FBXO25: variants seen among roughly 807,000 people sequenced by gnomAD.
The protein encoded by FBXO25 is F-box protein 25.
FBXO25 carries 45 observed loss-of-function variants against 51.9 expected under a neutral mutation model. The observed-to-expected ratio is 0.87, with a 90% CI of 0.68 to 1.11. FBXO25 has a LOEUF of 1.11. Among genes scored for constraint, FBXO25 ranks in the 50% most tolerant of loss-of-function variants. The pLI, the probability that FBXO25 is intolerant of heterozygous loss-of-function variation, is 0.00. For synonymous variants in FBXO25, 199 were observed against 151.0 expected (o/e 1.32, Z -2.33); for missense variants, 507 against 428.5 (o/e 1.18, Z -1.62).
chr8:411,557 A>T lies in FBXO25; in HGVS notation c.-7-1516A>T, dbSNP rs374875242. Among the ~76,000 whole-genome samples the T allele has an allele frequency of 4.6e-5, 7 of 152,148 alleles. No homozygotes were observed. The East Asian group carries it at 1.3e-3, about 29-fold the overall frequency. ...TAACTCTCTTCTGAACCATGGATGT[A>T]TATATTTATTCATTCAGTAAATAAA... On this transcript the variant is annotated intron_variant, in intron 1 of 9. Coordinates refer to ENST00000350302, the MANE Select transcript of FBXO25 (RefSeq NM_183420.2).
intron 5 of FBXO25, among the ~76,000 whole-genome samples, chr8:448,559 A>G (rs1283009122): frequency 6.6e-6 from 1 of 152,246 alleles, no homozygotes; most frequent in African/African-American, 2.4e-5. Flanking sequence ...AACTCAGGGA[A>G]TACTTACTGT....
chr8:473,966 C>A lies in FBXO25; in HGVS notation c.*5162C>A, dbSNP rs1220188102. The A allele has an allele frequency of 6.6e-6, 1 of 152,162 alleles. No homozygotes were observed. Among genetic ancestry groups the A allele is most frequent in the African/African-American group, 2.4e-5 (1 of 41,452 alleles). 9.4% of individuals were successfully genotyped at this position (152,162 alleles called of 1,614,324 possible). ...AATACACGTGAAATTTACCATCTTA[C>A]CTATTTTAAGTGTGCAATTTAGTGG... On this transcript the variant is annotated 3_prime_UTR_variant, in exon 10 of 10. Transcript: ENST00000350302.
chr8:472,866 A>G lies in FBXO25; in HGVS notation c.*4062A>G, dbSNP rs1411367184. The stretch of plus-strand genomic sequence containing the variant: ...TGCCCTCTGAGAAAAGTCAGAAGCA[A>G]GCCTGCCTTATGAAACTCGACTTTT... On this transcript the variant is annotated 3_prime_UTR_variant, in exon 10 of 10. Transcript: ENST00000350302. 5 of 152,270 alleles carry G rather than the reference A, an allele frequency of 3.3e-5. No homozygotes were observed. The highest frequency in any genetic ancestry group is 1.2e-4 in the African/African-American group (5 of 41,460). 9.4% of individuals were successfully genotyped at this position (152,270 alleles called of 1,614,324 possible). A position where few individuals can be genotyped will look rare whatever the true frequency, so the allele number is the denominator to read the frequency against.
chr8:451,848 T>G (rs145119032), intron 7 of FBXO25, among the ~76,000 whole-genome samples: 271 of 152,328 alleles, frequency 1.8e-3, no homozygotes, highest in African/African-American at 6.3e-3. Context: ...CTTGCTGTCT[T>G]TTTTGGGGAT....
In FBXO25 at chr8:474,110, C is replaced by G. The variant is rs1800572103; in HGVS notation, c.*5306C>G. On this transcript the variant is annotated 3_prime_UTR_variant, in exon 10 of 10. Coordinates refer to ENST00000350302, the MANE Select transcript of FBXO25 (RefSeq NM_183420.2). ...CTCTGTACCCATTAAGCACCAACTCCCTATTCCCCATCCACCAGCCCCTGG... is the reference window on the plus strand; with the variant it reads ...CTCTGTACCCATTAAGCACCAACTCGCTATTCCCCATCCACCAGCCCCTGG... 1 of 154,072 alleles carries G rather than the reference C, an allele frequency of 6.5e-6. No homozygotes were observed. Among genetic ancestry groups the G allele is most frequent in the Admixed American group, 6.5e-5 (1 of 15,404 alleles). 9.5% of individuals were successfully genotyped at this position (154,072 alleles called of 1,614,324 possible).
At chr8:455,410 C>T (rs577156052) in intron 7 of FBXO25, among the ~76,000 whole-genome samples, 27 of 151,960 alleles carry the variant, frequency 1.8e-4, no homozygotes, top group African/African-American at 3.1e-4. Flanking sequence ...GAAGTGGGTG[C>T]GAGGGAAGGA....
rs185946180 is a variant in FBXO25, at chr8:450,034, C to T, written c.426C>T (p.Gly142=). ...AATCCCAGTTAACTTCATTGAGTGG[C>T]GTGGCACAGAAGAATTACTTCAACA... The part of the protein sequence containing the change: ...IAKSQLTSLS[G]VAQKNYFNIL... The change falls in exon 6 of 10, where the codon GGC becomes GGT. Residue 142 remains glycine, a synonymous_variant. Transcript: ENST00000350302. 51 of 1,612,716 alleles carry T rather than the reference C, an allele frequency of 3.2e-5. No individual in the cohort carries two copies. The highest frequency in any genetic ancestry group is 1.1e-4 in the East Asian group (5 of 44,772).
chr8:452,190 CT>C (rs1799139953), intron 7 of FBXO25, among the ~76,000 whole-genome samples: 1 of 152,220 alleles, frequency 6.6e-6, no homozygotes, highest in Admixed American at 6.5e-5. Flanking sequence ...AATGCCTTAA[CT>C]TTTGGCTGTT....
At chr8:408,535 T>C (rs1796303297) in intron 1 of FBXO25, among the ~76,000 whole-genome samples, 2 of 152,248 alleles carry the variant, frequency 1.3e-5, no homozygotes, top group South Asian at 2.1e-4. Flanking sequence ...TAATGTTTTC[T>C]ACCTTGGAGG....
At chr8:468,189 C>T in intron 9 of FBXO25, 3 of 1,014,280 alleles carry the variant, frequency 3.0e-6, no homozygotes, top group Non-Finnish European at 3.5e-6. Context: ...GGTATGTGAG[C>T]ATGGCCAGCT....
At chr8:427,787 A>C (rs1327557068) in intron 2 of FBXO25, among the ~76,000 whole-genome samples, 2 of 150,586 alleles carry the variant, frequency 1.3e-5, no homozygotes, top group African/African-American at 4.9e-5. Context: ...CATATTTTAC[A>C]GCAATATAGT....
At chr8:453,117 A>G (rs1393571146) in intron 7 of FBXO25, among the ~76,000 whole-genome samples, 2 of 152,220 alleles carry the variant, frequency 1.3e-5, no homozygotes, top group Non-Finnish European at 2.9e-5. Context: ...GCACAGAAGG[A>G]TAGGTGTTAC....
chr8:460,041 G>A (rs1257385833), intron 8 of FBXO25, among the ~76,000 whole-genome samples: 1 of 152,052 alleles, frequency 6.6e-6, no homozygotes, highest in Non-Finnish European at 1.5e-5. Flanking sequence ...TGGGGGAGGG[G>A]GTGGATAGAA....
intron 5 of FBXO25, among the ~76,000 whole-genome samples, chr8:447,587 T>G (rs1798821331): frequency 6.6e-6 from 1 of 152,188 alleles, no homozygotes; most frequent in South Asian, 2.1e-4. Flanking sequence ...CCCAAATGCT[T>G]AGAACTGGAA....
At chr8:430,985 T>C (rs998148453) in intron 2 of FBXO25, among the ~76,000 whole-genome samples, 4 of 152,180 alleles carry the variant, frequency 2.6e-5, no homozygotes, top group African/African-American at 9.7e-5. Context: ...CAGCAAGTCA[T>C]TGGTCAGTAT....
At chr8:467,571 A>T in intron 9 of FBXO25, 1 of 786,328 alleles carries the variant, frequency 1.3e-6, no homozygotes, top group South Asian at 1.7e-5. Flanking sequence ...GTCCAAATTT[A>T]GTTACCTGAT....
In FBXO25 at chr8:462,947, C is replaced by T. The variant is rs1799911872; in HGVS notation, c.844-60C>T. ...AAAATAAAATGAAAAAGTTTTACACCTAATATTATGTTTTGAAAGTCATCT... is the reference window on the plus strand; with the variant it reads ...AAAATAAAATGAAAAAGTTTTACACTTAATATTATGTTTTGAAAGTCATCT... On this transcript the variant is annotated intron_variant, in intron 8 of 9. Coordinates refer to ENST00000350302, the MANE Select transcript of FBXO25 (RefSeq NM_183420.2). 22 of 1,538,320 alleles carry T rather than the reference C, an allele frequency of 1.4e-5. 2 individuals are homozygous for T. In the South Asian group the frequency reaches 2.6e-4, roughly 18 times the overall value.
chr8:458,069 G>GT (rs1799570321), intron 7 of FBXO25, among the ~76,000 whole-genome samples: 1 of 152,226 alleles, frequency 6.6e-6, no homozygotes, highest in Non-Finnish European at 1.5e-5. Context: ...TCTTGATGCA[G>GT]TAGAGGAGTA....
intron 3 of FBXO25, among the ~76,000 whole-genome samples, chr8:431,711 T>C (rs538274284): frequency 6.6e-6 from 1 of 152,284 alleles, no homozygotes; most frequent in South Asian, 2.1e-4. Context: ...TGAATTCAGC[T>C]CAGTCTTGAG....
Sources: allele counts gnomAD v4.1 joint callset (sites outside exome capture counted in the v4.1 genomes callset), GRCh38; gene constraint gnomAD v4.1.1; transcripts MANE v1.5; gene names NCBI Gene and HGNC (gene_info 2026-07-23, HGNC 2026-07-21).